Variants in PMS1 observed in about 807,000 individuals in gnomAD.
The protein encoded by PMS1 is PMS1 homolog 1, mismatch repair system component.
PMS1 carries 79 observed loss-of-function variants against 93.1 expected under a neutral mutation model. The observed-to-expected ratio is 0.85, with a 90% CI of 0.71 to 1.02. The LOEUF (loss-of-function observed/expected upper bound fraction) is 1.02. Among genes scored for constraint, PMS1 ranks in the 50% least tolerant of loss-of-function variants. PMS1 has a pLI of 0.00. For missense variants in PMS1, 1,064 were observed against 1,085.3 expected, an observed-to-expected ratio of 0.98 and a Z score of 0.28; for synonymous variants, 335 against 363.4, an observed-to-expected ratio of 0.92 and a Z score of 0.89.
intron 6 of PMS1, among the ~76,000 whole-genome samples, chr2:189,851,287 A>G (rs2054693630): frequency 6.6e-6 from 1 of 152,094 alleles, no homozygotes. Flanking sequence ...TCTTCATTTT[A>G]TTATTTATTC....
chr2:189,803,013 A>C (rs1226974687), intron 3 of PMS1, among the ~76,000 whole-genome samples: 3 of 152,224 alleles, frequency 2.0e-5, no homozygotes, highest in Non-Finnish European at 2.9e-5. Context: ...TACTTTAATT[A>C]GTGCACAATA....
At chr2:189,786,453 T>C (rs1443282123) in intron 1 of PMS1, among the ~76,000 whole-genome samples, 2 of 152,116 alleles carry the variant, frequency 1.3e-5, no homozygotes, top group African/African-American at 4.8e-5. Context: ...AGGAGAGAGA[T>C]GACTGGGTGG....
intron 4 of PMS1, among the ~76,000 whole-genome samples, chr2:189,814,315 C>A (rs921654293): frequency 3.3e-5 from 5 of 150,846 alleles, no homozygotes; most frequent in Non-Finnish European, 7.4e-5. Context: ...AGACCCCCCC[C>A]CAAAAAAAAA....
chr2:189,789,927 C>G (rs77971719), intron 1 of PMS1, among the ~76,000 whole-genome samples: 2 of 152,126 alleles, frequency 1.3e-5, no homozygotes, highest in South Asian at 4.1e-4. Context: ...GCACCCCCCT[C>G]CCTGCATGCT....
At chr2:189,874,371 G>C (rs2057389276) in intron 12 of PMS1, among the ~76,000 whole-genome samples, 1 of 152,172 alleles carries the variant, frequency 6.6e-6, no homozygotes, top group African/African-American at 2.4e-5. Flanking sequence ...AGGAGTAGAA[G>C]GGAAGGAAAG....
Position 189,854,772 on chromosome 2 carries a change from G to A in PMS1, c.1500G>A (p.Arg500=), listed in dbSNP as rs2106463141. Residue 500 remains arginine, a synonymous_variant, in exon 9 of 13, where the codon AGG becomes AGA. Transcript: ENST00000441310. ...AAATTTCTGCAGATGAGTGGAGCAG[G>A]GGAAATATACTTAAAAATTCAGTGG... ...SSEISADEWS[R]GNILKNSVGE... The A allele has an allele frequency of 6.2e-7, 1 of 1,613,682 alleles. No homozygotes were observed.
At chr2:189,855,439 T>C (rs1275127757) in intron 9 of PMS1, among the ~76,000 whole-genome samples, 1 of 144,348 alleles carries the variant, frequency 6.9e-6, no homozygotes. Flanking sequence ...TTATCTTCTA[T>C]TTTTTTTTTG....
rs1003218184 is a variant in PMS1, at chr2:189,784,498, G to C, written c.-116G>C. ...TCTGCCGCGCGCGTGCGTGCTGGGT[G>C]CGGGTGCGGGTGCGGGGTTGGGCCT... is the stretch of plus-strand genomic sequence containing the variant. On this transcript the variant is annotated 5_prime_UTR_variant, in exon 1 of 13. Transcript: ENST00000441310. 1 of 152,684 alleles carries C rather than the reference G, an allele frequency of 6.5e-6. No individual in the cohort carries two copies. Among genetic ancestry groups the C allele is most frequent in the Non-Finnish European group, 1.5e-5 (1 of 68,392 alleles). 9.5% of individuals were successfully genotyped at this position (152,684 alleles called of 1,614,324 possible). A position where few individuals can be genotyped will look rare whatever the true frequency, so the allele number is the denominator to read the frequency against.
chr2:189,869,546 G>GA (rs2056954361), intron 11 of PMS1, among the ~76,000 whole-genome samples: 1 of 152,142 alleles, frequency 6.6e-6, no homozygotes, highest in African/African-American at 2.4e-5. Flanking sequence ...GCCAGGCACG[G>GA]TGGCTCATGC....
At chr2:189,794,215 C>T (rs750541756) in intron 2 of PMS1, among the ~76,000 whole-genome samples, 5 of 152,150 alleles carry the variant, frequency 3.3e-5, no homozygotes, top group East Asian at 1.9e-4. Flanking sequence ...CGGTCTCAAG[C>T]GATTCTCCTG....
chr2:189,811,801 G>A (rs979392777), intron 4 of PMS1, among the ~76,000 whole-genome samples: 1 of 152,324 alleles, frequency 6.6e-6, no homozygotes, highest in African/African-American at 2.4e-5. Flanking sequence ...TGTTAAGGCA[G>A]TGTATTATAC....
chr2:189,852,903 G>A lies in PMS1; in HGVS notation c.822+126G>A, dbSNP rs2054902057. 16 of 686,132 alleles carry A rather than the reference G, an allele frequency of 2.3e-5. No homozygotes were observed. The South Asian group carries it at 2.8e-4, about 12-fold the overall frequency. The allele number at this position is 686,132 out of a possible 1,614,324, so 42.5% of individuals were successfully genotyped here. ...TACAATGTCATTTATTAAACATTAT[G>A]CATGATAGAAAGACATATGATGTCT... On this transcript the variant is annotated intron_variant, in intron 7 of 12. Transcript: ENST00000441310.
chr2:189,840,805 T>A (rs1233253), intron 5 of PMS1, among the ~76,000 whole-genome samples: 2,696 of 152,322 alleles, frequency 0.018, 76 homozygotes, highest in African/African-American at 0.061. Context: ...CTTTTTGGAC[T>A]TTACTATTCT....
chr2:189,826,434 T>C (rs1412290729), intron 5 of PMS1, among the ~76,000 whole-genome samples: 4 of 151,348 alleles, frequency 2.6e-5, no homozygotes. Flanking sequence ...ATTATCAATA[T>C]GGTTTGGTTT....
chr2:189,807,517 A>G (rs1224348537), intron 4 of PMS1, among the ~76,000 whole-genome samples: 2 of 152,246 alleles, frequency 1.3e-5, no homozygotes, highest in Admixed American at 6.5e-5. Context: ...GAAGTAATCT[A>G]GTCGCCTTAT....
intron 5 of PMS1, among the ~76,000 whole-genome samples, chr2:189,834,651 A>C (rs1435521352): frequency 6.6e-6 from 1 of 152,258 alleles, no homozygotes; most frequent in Admixed American, 6.5e-5. Flanking sequence ...ACTGCAAAGA[A>C]ATGAGTCTCA....
At chr2:189,814,605 C>A (rs2051118368) in intron 4 of PMS1, among the ~76,000 whole-genome samples, 1 of 152,080 alleles carries the variant, frequency 6.6e-6, no homozygotes, top group Non-Finnish European at 1.5e-5. Context: ...TAAATGCCTA[C>A]AGATTATTCA....
At chr2:189,798,062 C>G (rs778131443) in intron 3 of PMS1, among the ~76,000 whole-genome samples, 1 of 152,182 alleles carries the variant, frequency 6.6e-6, no homozygotes. Flanking sequence ...TACAGTTGGG[C>G]AAAATTATCT....
At chr2:189,833,044 G>A (rs2053092377) in intron 5 of PMS1, among the ~76,000 whole-genome samples, 1 of 152,190 alleles carries the variant, frequency 6.6e-6, no homozygotes, top group Non-Finnish European at 1.5e-5. Flanking sequence ...AATGTGGTAA[G>A]TGGGCCAAGA....
Sources: allele counts gnomAD v4.1 joint callset (sites outside exome capture counted in the v4.1 genomes callset), GRCh38; gene constraint gnomAD v4.1.1; transcripts MANE v1.5; gene names NCBI Gene and HGNC (gene_info 2026-07-23, HGNC 2026-07-21).